Variants in ARVCF observed in about 807,000 individuals in gnomAD.
The protein encoded by ARVCF is splicing regulator ARVCF.
ARVCF carries 66 observed loss-of-function variants against 90.9 expected under a neutral mutation model. The observed-to-expected ratio is 0.73, with a 90% CI of 0.60 to 0.89. The LOEUF (loss-of-function observed/expected upper bound fraction) is 0.89. Ranked by LOEUF, ARVCF falls within the 40% of genes least tolerant of loss-of-function variation. The pLI is 0.00. For missense variants in ARVCF, 1,469 were observed against 1,382.3 expected (o/e 1.06, Z -1.00); for synonymous variants, 653 against 603.4 (o/e 1.08, Z -1.21).
At chr22:20,016,191 C>T (rs1945124928) in intron 1 of ARVCF, among the ~76,000 whole-genome samples, 1 of 152,194 alleles carries the variant, frequency 6.6e-6, no homozygotes, top group Non-Finnish European at 1.5e-5. Context: ...GCCCCTCGGG[C>T]TGTTGGAAAG....
In ARVCF at chr22:19,979,960, C is replaced by T. The variant is rs1177459100; in HGVS notation, c.1179G>A (p.Lys393=). 6.3e-7 allele frequency: 1 copy of T among 1,595,974 alleles called. No homozygotes were observed. The highest frequency in any genetic ancestry group is 1.3e-5 in the African/African-American group (1 of 74,622). The change falls in exon 6 of 20, where the codon AAG becomes AAA. Residue 393 remains lysine (K), a synonymous_variant. Transcript: ENST00000263207. The stretch of plus-strand genomic sequence containing the variant: ...GCCCCCGCAACTGCCGTACACGCCG[C>T]TTGACACCCTCGTTCTCAAAGCACA... ...QHLCFENEGV[K]RRVRQLRGLP... is the part of the protein sequence containing the mutation.
At chr22:20,002,106 G>T (rs1347673868) in intron 2 of ARVCF, among the ~76,000 whole-genome samples, 1 of 152,228 alleles carries the variant, frequency 6.6e-6, no homozygotes, top group East Asian at 1.9e-4. Flanking sequence ...ACAGGAGTAC[G>T]TCCAACGGGG....
chr22:19,972,873 G>C, intron 15 of ARVCF, 46 bp from the exon 16 acceptor site: 1 of 1,613,664 alleles, frequency 6.2e-7, no homozygotes, highest in Non-Finnish European at 8.5e-7. Context: ...CACATGGAGT[G>C]GGAATAAGGC....
In ARVCF at chr22:19,980,095, G is replaced by T. The variant is rs755715810; in HGVS notation, c.1044C>A (p.Ser348Arg). Residue 348 changes from serine to arginine, a missense_variant, in exon 6 of 20, where the codon AGC becomes AGA. Coordinates refer to ENST00000263207, the MANE Select transcript of ARVCF (RefSeq NM_001670.3). ...CCCGCCAGCGCGGCTCCTTGCGGGC[G>T]CTATCCACTGAGGGCGAGCGCCGCA... ...RLVRRSPSVD[S>R]ARKEPRWRDP... 1 of 1,584,056 alleles carries T rather than the reference G, an allele frequency of 6.3e-7. No individual in the cohort carries two copies. The highest frequency in any genetic ancestry group is 8.6e-7 in the Non-Finnish European group (1 of 1,167,758).
chr22:19,979,064 C>T lies in ARVCF; in HGVS notation c.1413G>A (p.Leu471=). Residue 471 remains leucine, a synonymous_variant, in exon 7 of 20, where the codon CTG becomes CTA. Coordinates refer to ENST00000263207, the MANE Select transcript of ARVCF (RefSeq NM_001670.3). ...CCATCTTCAGGGGCTCATAGGATGA[C>T]AGGTTCCACAGGGTGCCTGTGGGGT... is the stretch of plus-strand genomic sequence containing the variant. ...RELVTGTLWN[L]SSYEPLKMVI... 1 of 1,612,776 alleles carries T rather than the reference C, an allele frequency of 6.2e-7. No homozygotes were observed. Among genetic ancestry groups the T allele is most frequent in the Non-Finnish European group, 8.5e-7 (1 of 1,179,504 alleles).
chr22:20,000,528 C>T (rs747978008), intron 2 of ARVCF, among the ~76,000 whole-genome samples: 49 of 152,320 alleles, frequency 3.2e-4, no homozygotes, highest in Non-Finnish European at 4.4e-4. Context: ...AGGAGAGCCT[C>T]GGGACTTGAC....
At chr22:20,007,880 G>C (rs1944689250) in intron 2 of ARVCF, among the ~76,000 whole-genome samples, 1 of 152,182 alleles carries the variant, frequency 6.6e-6, no homozygotes, top group Non-Finnish European at 1.5e-5. Context: ...GCCCAAAATG[G>C]ACTAAGACAG....
chr22:19,965,551 AG>A, downstream of ARVCF: 1 of 152,324 alleles, frequency 6.6e-6, no homozygotes, highest in East Asian at 1.9e-4. Flanking sequence ...CACATTGGCC[AG>A]GATGGTCTCA....
At chr22:19,973,903 G>C in intron 12 of ARVCF, 110 bp from the exon 13 acceptor site, 1 of 1,501,906 alleles carries the variant, frequency 6.7e-7, no homozygotes, top group Non-Finnish European at 8.9e-7. Flanking sequence ...GCCCGACAAA[G>C]CCCTACCCCA....
chr22:19,976,206 C>T (rs964690405), intron 10 of ARVCF, among the ~76,000 whole-genome samples: 1 of 152,154 alleles, frequency 6.6e-6, no homozygotes, highest in Non-Finnish European at 1.5e-5. Context: ...GGACATTGTC[C>T]CAGGATCTAC....
At chr22:20,010,294 T>C (rs2146496793) in intron 2 of ARVCF, among the ~76,000 whole-genome samples, 161 bp downstream of exon 2, 1 of 152,326 alleles carries the variant, frequency 6.6e-6, no homozygotes, top group South Asian at 2.1e-4. Context: ...ACATCCACCC[T>C]GTCCAGCCCA....
chr22:19,988,448 C>T lies in ARVCF; in HGVS notation c.210+2137G>A, dbSNP rs577058277. ...GCCCCAGCCACCTATCCACCTAAGACGAGCCCAAGGCAAGTTCCCTGATGG... is the reference window on the plus strand; with the variant it reads ...GCCCCAGCCACCTATCCACCTAAGATGAGCCCAAGGCAAGTTCCCTGATGG... On this transcript the variant is annotated intron_variant, in intron 3 of 19. Coordinates refer to ENST00000263207, the MANE Select transcript of ARVCF (RefSeq NM_001670.3). Among the ~76,000 whole-genome samples the T allele has an allele frequency of 1.8e-4, 28 of 152,392 alleles. No individual in the cohort carries two copies. The East Asian group carries it at 3.1e-3, about 17-fold the overall frequency.
intron 2 of ARVCF, among the ~76,000 whole-genome samples, chr22:19,995,915 C>G (rs901751532): frequency 6.6e-5 from 10 of 152,176 alleles, no homozygotes; most frequent in Non-Finnish European, 8.8e-5. Flanking sequence ...GACCCAGGCC[C>G]AGCACCCACC....
intron 3 of ARVCF, among the ~76,000 whole-genome samples, chr22:19,984,906 C>A (rs1943684642): frequency 6.6e-6 from 1 of 152,194 alleles, no homozygotes; most frequent in African/African-American, 2.4e-5. Flanking sequence ...TAGTGAGAGG[C>A]CCATAGCCAG....
chr22:19,972,984 T>G lies in ARVCF; in HGVS notation c.2491A>C (p.Ser831Arg). ...AAGGTACCACGCAGCTCCTTGTAGC[T>G]CCACACTGTCTGCAGCACGTGTGAC... ...AASHVLQTVW[S>R]YKELRGTLQK... is the part of the protein sequence containing the mutation. The change falls in exon 15 of 20, where the codon AGC (serine) becomes CGC (arginine). Residue 831 changes from serine to arginine, a missense_variant. Transcript: ENST00000263207. The G allele has an allele frequency of 1.2e-6, 2 of 1,613,602 alleles. No homozygotes were observed. Among genetic ancestry groups the G allele is most frequent in the Non-Finnish European group, 1.7e-6 (2 of 1,179,990 alleles).
chr22:19,977,595 A>G lies in ARVCF; in HGVS notation c.1699-9T>C. ...ACGCAGTTCTCCACCGACTGCAGGGAGAGGTGAGTGGGTGGGGCAGGGCAC... is the reference window on the plus strand; with the variant it reads ...ACGCAGTTCTCCACCGACTGCAGGGGGAGGTGAGTGGGTGGGGCAGGGCAC... On this transcript the variant is annotated splice_polypyrimidine_tract_variant and intron_variant, in intron 8 of 19. Coordinates refer to ENST00000263207, the MANE Select transcript of ARVCF (RefSeq NM_001670.3). The G allele has an allele frequency of 6.6e-7, 1 of 1,510,576 alleles. No individual in the cohort carries two copies. The highest frequency in any genetic ancestry group is 2.2e-5 in the Admixed American group (1 of 45,560). The allele number at this position is 1,510,576 out of a possible 1,614,324, so 93.6% of individuals were successfully genotyped here.
At chr22:19,981,774 A>G in intron 4 of ARVCF, 37 bp from the exon 5 acceptor site, 11 of 1,550,462 alleles carry the variant, frequency 7.1e-6, no homozygotes, top group Non-Finnish European at 9.6e-6. Context: ...GGGTAGCACG[A>G]GAGGCCTAGA....
downstream of ARVCF, chr22:19,967,164 G>T: frequency 7.7e-7 from 1 of 1,303,774 alleles, no homozygotes; most frequent in Non-Finnish European, 1.0e-6. Context: ...ACTCGTGCAG[G>T]TGCAGTGGTC....
At chr22:20,006,302 G>A (rs371631548) in intron 2 of ARVCF, among the ~76,000 whole-genome samples, 3 of 150,104 alleles carry the variant, frequency 2.0e-5, no homozygotes, top group Admixed American at 2.0e-4. Flanking sequence ...CCCTGGCCAG[G>A]CGTGGTGGCT....
Sources: allele counts gnomAD v4.1 joint callset (sites outside exome capture counted in the v4.1 genomes callset), GRCh38; gene constraint gnomAD v4.1.1; transcripts MANE v1.5; gene names NCBI Gene and HGNC (gene_info 2026-07-23, HGNC 2026-07-21).